Variants in KMT2D observed in about 807,000 individuals in gnomAD.
The protein encoded by KMT2D is histone-lysine N-methyltransferase 2D.
KMT2D carries 55 observed loss-of-function variants against 512.7 expected under a neutral mutation model. The observed-to-expected ratio is 0.11, with a 90% CI of 0.09 to 0.13. The LOEUF (loss-of-function observed/expected upper bound fraction) is 0.13, where lower values mean the gene tolerates loss of function less well. KMT2D is among the 10% of genes least tolerant of loss of function. The pLI is 1.00. For missense variants in KMT2D, 6,061 were observed against 7,127.9 expected (o/e 0.85, Z 5.39); for synonymous variants, 2,995 against 2,904.0 (o/e 1.03, Z -1.01).
At chr12:49,056,040 C>A (rs779904198) in intron 1 of KMT2D, among the ~76,000 whole-genome samples, 1 of 152,234 alleles carries the variant, frequency 6.6e-6, no homozygotes, top group Non-Finnish European at 1.5e-5. Context: ...CAGGGTCTCA[C>A]CCAGCCTGAA....
Position 49,033,097 on chromosome 12 carries a change from T to C in KMT2D, c.11608A>G (p.Met3870Val), listed in dbSNP as rs1249062473. 27 of 1,551,282 alleles carry C rather than the reference T, an allele frequency of 1.7e-5. No homozygotes were observed. Among genetic ancestry groups the C allele is most frequent in the Non-Finnish European group, 2.4e-5 (27 of 1,146,924 alleles). Residue 3870 changes from methionine (M) to valine (V), a missense_variant, in exon 40 of 55, where the codon ATG (methionine) becomes GTG (valine). By Grantham distance (21) the Met-to-Val change is conservative. Around this residue, in one of 16 missense-constraint regions of KMT2D, gnomAD observed 1,600 missense variants for 1,754.9 expected, o/e 0.91. Transcript: ENST00000301067. ...QQQQHQQQGS[M>V]AGLSHLQQSL... ...TGCTGAAGATGGGACAGCCCTGCCA[T>C]GGACCCTTGCTGTTGGTGCTGTTGT...
chr12:49,053,165 G>C, intron 8 of KMT2D, 42 bp downstream of exon 8: 3 of 1,609,986 alleles, frequency 1.9e-6, no homozygotes, highest in Non-Finnish European at 1.7e-6. Flanking sequence ...TGCTGTAGCA[G>C]ACACAGTTAG....
chr12:49,050,154 G>C lies in KMT2D; in HGVS notation c.3434C>G (p.Ala1145Gly). 6.2e-7 allele frequency: 1 copy of C among 1,613,640 alleles called. No individual in the cohort carries two copies. The highest frequency in any genetic ancestry group is 8.5e-7 in the Non-Finnish European group (1 of 1,179,818). Reference sequence around the variant, plus strand: ...CACAGGGGAGCCTTTAAGTTCACTAGCCAAACTGCCAGGGGTCTGTCCAGG... The same window carrying C: ...CACAGGGGAGCCTTTAAGTTCACTACCCAAACTGCCAGGGGTCTGTCCAGG... ...PEPGQTPGSL[A>G]SELKGSPVLL... Residue 1145 changes from alanine (A) to glycine (G), a missense_variant, in exon 12 of 55, where the codon GCT becomes GGT. By Grantham distance (60) the Ala-to-Gly change is moderately conservative. Coordinates refer to ENST00000301067, the MANE Select transcript of KMT2D (RefSeq NM_003482.4).
chr12:49,059,908 A>G lies in KMT2D; in HGVS notation c.-333T>C, dbSNP rs1592169641. On this transcript the variant is annotated 5_prime_UTR_variant, in exon 1 of 55. Coordinates refer to ENST00000301067, the MANE Select transcript of KMT2D (RefSeq NM_003482.4). ...GCACCGGTGGCTTTGATCTTGGGCG[A>G]GCAGGCTCCGCATCCGCGTCGCCGG... 6.6e-6 allele frequency: 1 copy of G among 151,816 alleles called. No homozygotes were observed. Among genetic ancestry groups the G allele is most frequent in the East Asian group, 2.0e-4 (1 of 5,104 alleles). 9.4% of individuals were successfully genotyped at this position (151,816 alleles called of 1,614,324 possible).
In KMT2D at chr12:49,034,800, CCT is replaced by C. The variant is rs763656069; in HGVS notation, c.10355+10_10355+11del. 4 of 1,612,452 alleles carry C rather than the reference CCT, an allele frequency of 2.5e-6. No homozygotes were observed. In the African/African-American group the frequency reaches 5.3e-5, roughly 22 times the overall value. Reference sequence around the variant, plus strand: ...AGAAAAGGGCCAACCCCATTCCAGCCCTGAGTCTTACCTGTTCATACCAGGTG... The same window carrying C: ...AGAAAAGGGCCAACCCCATTCCAGCCGAGTCTTACCTGTTCATACCAGGTG... On this transcript the variant is annotated intron_variant, in intron 36 of 54. Transcript: ENST00000301067.
Position 49,028,937 on chromosome 12 carries a change from T to G in KMT2D, c.14273A>C (p.Tyr4758Ser), listed in dbSNP as rs373070195. The change falls in exon 46 of 55, where the codon TAT (tyrosine) becomes TCT (serine). Residue 4758 changes from tyrosine (Y) to serine (S), a missense_variant. Physicochemically the swap from Tyr to Ser is moderately radical, Grantham distance 144. Around this residue, in one of 16 missense-constraint regions of KMT2D, gnomAD observed 1,600 missense variants for 1,754.9 expected, o/e 0.91. Coordinates refer to ENST00000301067, the MANE Select transcript of KMT2D (RefSeq NM_003482.4). ...AGGGACCTCCAGGCCAAGGGCCCCA[T>G]AAGGTTTGGTATCTGGGAAGACTGA... is the stretch of plus-strand genomic sequence containing the variant. Reference protein sequence around the residue: ...SIPVFPDTKPYGALGLEVPGK... With the variant: ...SIPVFPDTKPSGALGLEVPGK... 1 of 1,613,934 alleles carries G rather than the reference T, an allele frequency of 6.2e-7. No individual in the cohort carries two copies. The highest frequency in any genetic ancestry group is 1.7e-5 in the Admixed American group (1 of 60,010).
At position 49,048,694 on chromosome 12, in the gene KMT2D, G is replaced by A. The variant is rs2120625069; in HGVS notation, c.4096C>T (p.Leu1366Phe). 6.2e-7 allele frequency: 1 copy of A among 1,613,688 alleles called. No homozygotes were observed. Among genetic ancestry groups the A allele is most frequent in the South Asian group, 1.1e-5 (1 of 91,064 alleles). Residue 1366 changes from leucine to phenylalanine, a missense_variant, in exon 14 of 55, where the codon CTC becomes TTC. Leu to Phe is a conservative substitution (Grantham distance 22). Coordinates refer to ENST00000301067, the MANE Select transcript of KMT2D (RefSeq NM_003482.4). The part of the protein sequence containing the change: ...DDDTMQNTVV[L>F]FSNTDKFVLM... Reference sequence around the variant, plus strand: ...ACAAATTTGTCTGTGTTGGAGAAGAGAACCACGGTATTCTGCATGGTGTCA... The same window carrying A: ...ACAAATTTGTCTGTGTTGGAGAAGAAAACCACGGTATTCTGCATGGTGTCA...
chr12:49,037,393 T>G lies in KMT2D; in HGVS notation c.9963A>C (p.Arg3321=), dbSNP rs2120478266. The G allele has an allele frequency of 6.2e-7, 1 of 1,607,344 alleles. No individual in the cohort carries two copies. The highest frequency in any genetic ancestry group is 8.5e-7 in the Non-Finnish European group (1 of 1,177,314). Residue 3321 remains arginine (R), a synonymous_variant, in exon 35 of 55, where the codon CGA becomes CGC. Transcript: ENST00000301067. ...TCAGTGGCTGGGGCAAACCTGGCTGTCGGGCACCTGCAAGACCCAGGGAAA... is the reference window on the plus strand; with the variant it reads ...TCAGTGGCTGGGGCAAACCTGGCTGGCGGGCACCTGCAAGACCCAGGGAAA... ...QQLSLGLAGA[R]QPGLPQPLMP...
At position 49,030,919 on chromosome 12, in the gene KMT2D, C is replaced by T. The variant is rs1238014538; in HGVS notation, c.13645G>A (p.Glu4549Lys). The change falls in exon 41 of 55, where the codon GAG (glutamate) becomes AAG (lysine). Residue 4549 changes from glutamate to lysine, a missense_variant. Glu to Lys is a moderately conservative substitution (Grantham distance 56). This residue lies in a region of KMT2D where 1,600 missense variants were observed against 1,754.9 expected (regional missense o/e 0.91). Coordinates refer to ENST00000301067, the MANE Select transcript of KMT2D (RefSeq NM_003482.4). The part of the protein sequence containing the change: ...LRKEDGVRAS[E>K]ALLKQLKQEL... ...TGTTTCAGCTGTTTCAGCAAGGCCTCGCTGGCCCTGACCCCGTCCTCCTTC... is the reference window on the plus strand; with the variant it reads ...TGTTTCAGCTGTTTCAGCAAGGCCTTGCTGGCCCTGACCCCGTCCTCCTTC... 6 of 1,613,788 alleles carry T rather than the reference C, an allele frequency of 3.7e-6. No individual in the cohort carries two copies. Among genetic ancestry groups the T allele is most frequent in the African/African-American group, 1.3e-5 (1 of 74,944 alleles).
chr12:49,051,054 G>A lies in KMT2D; in HGVS notation c.2629C>T (p.Pro877Ser), dbSNP rs559069510. ...GGAGGGAACAAGGGCAGCTCCTCAG[G>A]TGCAGGGCATTGGCCTGGCTCCTCA... ...PPEEPGQCPA[P>S]EELPLFPPPG... The change falls in exon 11 of 55, where the codon CCT becomes TCT. Residue 877 changes from proline (P) to serine (S), a missense_variant. This residue lies in a region of KMT2D where 848 missense variants were observed against 838.5 expected (regional missense o/e 1.01). Transcript: ENST00000301067. 2.5e-5 allele frequency: 38 copies of A among 1,536,626 alleles called. No individual in the cohort carries two copies. The highest frequency in any genetic ancestry group is 3.1e-5 in the Non-Finnish European group (35 of 1,144,980).
intron 1 of KMT2D, among the ~76,000 whole-genome samples, chr12:49,056,523 T>C (rs1271194773): frequency 1.3e-5 from 2 of 151,984 alleles, no homozygotes; most frequent in Non-Finnish European, 2.9e-5. Flanking sequence ...AGGGAGAAAG[T>C]GGTAAGTGTT....
Position 49,032,265 on chromosome 12 carries a change from G to C in KMT2D, c.12440C>G (p.Ser4147Cys). The change falls in exon 40 of 55, where the codon TCC (serine) becomes TGC (cysteine). Residue 4147 changes from serine (S) to cysteine (C), a missense_variant. Physicochemically the swap from Ser to Cys is moderately radical, Grantham distance 112. This residue lies in a region of KMT2D where 1,600 missense variants were observed against 1,754.9 expected (regional missense o/e 0.91). Transcript: ENST00000301067. ...PSVSLGDQPGSMTQNLLGPQQ... is the reference protein window; with the variant it reads ...PSVSLGDQPGCMTQNLLGPQQ... ...GGGGCCCAGAAGGTTCTGGGTCATG[G>C]ACCCAGGCTGATCCCCTAAGGAAAC... 6.2e-7 allele frequency: 1 copy of C among 1,613,980 alleles called. No homozygotes were observed. Among genetic ancestry groups the C allele is most frequent in the Non-Finnish European group, 8.5e-7 (1 of 1,179,878 alleles).
chr12:49,052,557 T>C lies in KMT2D; in HGVS notation c.1258+7A>G, dbSNP rs1393154670. 2 of 1,612,510 alleles carry C rather than the reference T, an allele frequency of 1.2e-6. No homozygotes were observed. Among genetic ancestry groups the C allele is most frequent in the South Asian group, 2.2e-5 (2 of 90,872 alleles). ...ATGAATTTCAGGGACCCTCAAACCCTACTCACCTAGTGGTTTGGCTTCACA... is the reference window on the plus strand; with the variant it reads ...ATGAATTTCAGGGACCCTCAAACCCCACTCACCTAGTGGTTTGGCTTCACA... On this transcript the variant is annotated splice_region_variant and intron_variant, in intron 10 of 54. Coordinates refer to ENST00000301067, the MANE Select transcript of KMT2D (RefSeq NM_003482.4).
In KMT2D at chr12:49,037,233, G is replaced by A. The variant is rs1225652188; in HGVS notation, c.10123C>T (p.Pro3375Ser). 4 of 1,613,504 alleles carry A rather than the reference G, an allele frequency of 2.5e-6. No homozygotes were observed. In the African/African-American group the frequency reaches 5.3e-5, roughly 22 times the overall value. ...AGLVPQQSSQ[P>S]VLSQKPMGTM... Reference sequence around the variant, plus strand: ...CCCATGGGCTTCTGTGATAGCACTGGCTGTGAGCTCTGCTGGGGTACCAAG... The same window carrying A: ...CCCATGGGCTTCTGTGATAGCACTGACTGTGAGCTCTGCTGGGGTACCAAG... The change falls in exon 35 of 55, where the codon CCA (proline) becomes TCA (serine). Residue 3375 changes from proline to serine, a missense_variant. Coordinates refer to ENST00000301067, the MANE Select transcript of KMT2D (RefSeq NM_003482.4).
chr12:49,055,306 C>G lies in KMT2D; in HGVS notation c.19G>C (p.Ala7Pro), dbSNP rs748617194. Residue 7 changes from alanine to proline, a missense_variant, in exon 2 of 55, where the codon GCT (alanine) becomes CCT (proline). Physicochemically the swap from Ala to Pro is conservative, Grantham distance 27 (BLOSUM62 -1). Transcript: ENST00000301067. Reference sequence around the variant, plus strand: ...GGTTCTGAATCTTTATCCTCACCAGCCAGCTTCTGGCTGTCCATCCCTCTC... The same window carrying G: ...GGTTCTGAATCTTTATCCTCACCAGGCAGCTTCTGGCTGTCCATCCCTCTC... MDSQKL[A>P]GEDKDSEPAA... 1.2e-5 allele frequency: 19 copies of G among 1,613,944 alleles called. No individual in the cohort carries two copies. Among genetic ancestry groups the G allele is most frequent in the Non-Finnish European group, 1.6e-5 (19 of 1,179,914 alleles).
intron 36 of KMT2D, 51 bp downstream of exon 36, chr12:49,034,761 G>T: frequency 1.2e-6 from 2 of 1,607,672 alleles, no homozygotes; most frequent in Non-Finnish European, 8.5e-7. Context: ...GCCAAGAAGG[G>T]GTGTGACTGG....
In KMT2D at chr12:49,045,804, T is replaced by C. The variant is rs1019681056; in HGVS notation, c.4741+116A>G. 8.5e-6 allele frequency: 8 copies of C among 944,642 alleles called. No homozygotes were observed. The African/African-American group carries it at 9.8e-5, about 12-fold the overall frequency. 58.5% of individuals were successfully genotyped at this position (944,642 alleles called of 1,614,324 possible). A position where few individuals can be genotyped will look rare whatever the true frequency, so the allele number is the denominator to read the frequency against. On this transcript the variant is annotated intron_variant, in intron 19 of 54. Coordinates refer to ENST00000301067, the MANE Select transcript of KMT2D (RefSeq NM_003482.4). ...GACCTTGGGCAGGCCACTTAACTTC[T>C]CTGGGTCTGAGTTTCCTCCTCTTAA...
In KMT2D at chr12:49,051,363, G is replaced by T. The variant is rs1385773562; in HGVS notation, c.2320C>A (p.Pro774Thr). 3 of 1,608,386 alleles carry T rather than the reference G, an allele frequency of 1.9e-6. No individual in the cohort carries two copies. The highest frequency in any genetic ancestry group is 2.5e-6 in the Non-Finnish European group (3 of 1,177,114). The stretch of plus-strand genomic sequence containing the variant: ...ACAGCGCATAGGCATGGCTCCTCAG[G>T]CTGGGGGGACAGGTGTGGCTCCTCA... ...QAEEPHLSPQ[P>T]EEPCLCAVPE... The change falls in exon 11 of 55, where the codon CCT (proline) becomes ACT (threonine). Residue 774 changes from proline (P) to threonine (T), a missense_variant. Pro to Thr is a conservative substitution (Grantham distance 38). This residue lies in a region of KMT2D where 848 missense variants were observed against 838.5 expected (regional missense o/e 1.01). Transcript: ENST00000301067.
chr12:49,050,246 G>C lies in KMT2D; in HGVS notation c.3342C>G (p.Asp1114Glu), dbSNP rs2120647761. 6.2e-7 allele frequency: 1 copy of C among 1,613,226 alleles called. No individual in the cohort carries two copies. The highest frequency in any genetic ancestry group is 8.5e-7 in the Non-Finnish European group (1 of 1,179,598). Residue 1114 changes from aspartate (D) to glutamate (E), a missense_variant, in exon 12 of 55, where the codon GAC (aspartate) becomes GAG (glutamate). Transcript: ENST00000301067. ...CTGTGTCTTCCCCTAGGCCAGAGAA[G>C]TCATCCAGGGCTGGGGCAGGGCTGG... ...PAPSPAPALD[D>E]FSGLGEDTAP...
Sources: allele counts gnomAD v4.1 joint callset (sites outside exome capture counted in the v4.1 genomes callset), GRCh38; gene constraint gnomAD v4.1.1; regional missense constraint gnomAD v4.1.1; transcripts MANE v1.5; gene names NCBI Gene and HGNC (gene_info 2026-07-23, HGNC 2026-07-21).